The following VPS13B variants were observed in gnomAD, a reference collection of about 807,000 sequenced individuals.
The protein encoded by VPS13B is intermembrane lipid transfer protein VPS13B.
Under a neutral mutation model 426.4 loss-of-function variants are expected in VPS13B, and 285 were observed. The ratio of observed to expected loss-of-function variants is 0.67; its 90% CI spans 0.61 to 0.74. VPS13B has a LOEUF of 0.74. Among genes scored for constraint, VPS13B ranks in the 30% least tolerant of loss-of-function variants. VPS13B has a pLI of 0.00. For missense variants in VPS13B, 4,537 were observed against 4,782.6 expected (o/e 0.95, Z 1.51); for synonymous variants, 1,676 against 1,676.4 (o/e 1.00, Z 0.01).
intron 33 of VPS13B, among the ~76,000 whole-genome samples, chr8:99,586,976 C>T (rs1826335566): frequency 6.6e-6 from 1 of 152,120 alleles, no homozygotes; most frequent in Non-Finnish European, 1.5e-5. Context: ...ATCCCTCCCC[C>T]ATCCCCCCAT....
At chr8:99,732,774 C>T (rs1201198965) in intron 39 of VPS13B, among the ~76,000 whole-genome samples, 3 of 152,098 alleles carry the variant, frequency 2.0e-5, no homozygotes, top group African/African-American at 4.8e-5. Flanking sequence ...ATGGGATTTT[C>T]GAAACAAAAA....
At chr8:99,620,845 T>C (rs1828315355) in intron 33 of VPS13B, among the ~76,000 whole-genome samples, 1 of 151,370 alleles carries the variant, frequency 6.6e-6, no homozygotes, top group Non-Finnish European at 1.5e-5. Context: ...AAATTAGCCA[T>C]GTGTGGTGGT....
chr8:99,560,583 C>T (rs981529279), intron 31 of VPS13B, among the ~76,000 whole-genome samples: 2 of 152,096 alleles, frequency 1.3e-5, no homozygotes, highest in Non-Finnish European at 1.5e-5. Flanking sequence ...TGAATGTGCC[C>T]CTGAGAAGGG....
rs942956028 is a variant in VPS13B, at chr8:99,248,356, T to A, written c.2516-25842T>A. Among the ~76,000 whole-genome samples the A allele has an allele frequency of 2.6e-5, 4 of 152,172 alleles. No homozygotes were observed. In the East Asian group the frequency reaches 7.7e-4, roughly 29 times the overall value. Reference sequence around the variant, plus strand: ...ATGTATACATATATAGAAATATATATATCTGCATTTAAAAATATTTTTGAA... The same window carrying A: ...ATGTATACATATATAGAAATATATAAATCTGCATTTAAAAATATTTTTGAA... On this transcript the variant is annotated intron_variant, in intron 17 of 61. Transcript: ENST00000357162.
rs1178174049 is a variant in VPS13B at position 99,275,220 on chromosome 8, A to G, written c.2790A>G (p.Gln930=). 2.5e-6 allele frequency: 4 copies of G among 1,612,652 alleles called. No homozygotes were observed. The highest frequency in any genetic ancestry group is 3.4e-6 in the Non-Finnish European group (4 of 1,179,444). ...LAPDLMAFTI[Q]VPQYIDYCHN... is the part of the protein sequence containing the mutation. ...CAGATTTGATGGCCTTCACAATCCAAGTTCCACAATATATTGACTACTGCC... is the reference window on the plus strand; with the variant it reads ...CAGATTTGATGGCCTTCACAATCCAGGTTCCACAATATATTGACTACTGCC... Residue 930 remains glutamine, a synonymous_variant, in exon 19 of 62, where the codon CAA becomes CAG. Transcript: ENST00000357162.
At chr8:99,407,953 G>T (rs1228280309) in intron 21 of VPS13B, among the ~76,000 whole-genome samples, 2 of 152,144 alleles carry the variant, frequency 1.3e-5, no homozygotes, top group Non-Finnish European at 2.9e-5. Flanking sequence ...AGGTGATGAG[G>T]ATGAGATTCC....
In VPS13B at chr8:99,147,841, A is replaced by G. The variant is rs1810824306; in HGVS notation, c.1844A>G (p.Asp615Gly). ...EYEPYSRLKSDIKDENETILN... is the reference protein window; with the variant it reads ...EYEPYSRLKSGIKDENETILN... ...TAATTTTTTATCATTTTAATTTTAG[A>G]TATTAAGGATGAAAATGAAACAATA... is the stretch of plus-strand genomic sequence containing the variant. Residue 615 changes from aspartate (D) to glycine (G), a missense_variant and splice_region_variant, in exon 14 of 62, where the codon GAT becomes GGT. This residue lies in a region of VPS13B where 4,311 missense variants were observed against 4,474.3 expected (regional missense o/e 0.96). Coordinates refer to ENST00000357162, the MANE Select transcript of VPS13B (RefSeq NM_152564.5). 6.8e-7 allele frequency: 1 copy of G among 1,476,474 alleles called. No homozygotes were observed. The highest frequency in any genetic ancestry group is 9.0e-7 in the Non-Finnish European group (1 of 1,107,290). 91.5% of individuals were successfully genotyped at this position (1,476,474 alleles called of 1,614,324 possible).
chr8:99,538,916 A>G (rs1430293556), intron 30 of VPS13B, among the ~76,000 whole-genome samples: 1 of 152,220 alleles, frequency 6.6e-6, no homozygotes, highest in African/African-American at 2.4e-5. Context: ...ATTTCTTGTA[A>G]ACATTTTCTC....
chr8:99,358,129 C>T (rs543383202), intron 19 of VPS13B, among the ~76,000 whole-genome samples: 1 of 152,246 alleles, frequency 6.6e-6, no homozygotes, highest in East Asian at 1.9e-4. Flanking sequence ...TCCTCTGCGT[C>T]CATCCCTCAT....
intron 39 of VPS13B, among the ~76,000 whole-genome samples, chr8:99,750,100 G>T (rs1387237160): frequency 6.6e-6 from 1 of 152,090 alleles, no homozygotes; most frequent in Non-Finnish European, 1.5e-5. Flanking sequence ...GTGGATTTAT[G>T]TGTGTTTGAA....
chr8:99,273,512 T>C (rs1818716291), intron 17 of VPS13B, among the ~76,000 whole-genome samples: 1 of 152,036 alleles, frequency 6.6e-6, no homozygotes, highest in Non-Finnish European at 1.5e-5. Flanking sequence ...AGGCCGGGCC[T>C]GGTGGTGCAC....
At chr8:99,482,308 A>G (rs1259057312) in intron 25 of VPS13B, among the ~76,000 whole-genome samples, 1 of 152,006 alleles carries the variant, frequency 6.6e-6, no homozygotes, top group Admixed American at 6.6e-5. Context: ...TCTTTTGTAT[A>G]AGAAATATTT....
At position 99,125,737 on chromosome 8, in the gene VPS13B, C is replaced by T. The variant is rs572595598; in HGVS notation, c.1206+4292C>T. On this transcript the variant is annotated intron_variant, in intron 8 of 61. Coordinates refer to ENST00000357162, the MANE Select transcript of VPS13B (RefSeq NM_152564.5). Reference sequence around the variant, plus strand: ...ATTATGTAATATTTTGTACTAAATGCCACTGAATTGTATATTGACAAGTGG... The same window carrying T: ...ATTATGTAATATTTTGTACTAAATGTCACTGAATTGTATATTGACAAGTGG... 6.6e-5 allele frequency among the ~76,000 whole-genome samples: 10 copies of T among 152,082 alleles called. 1 individual carries two copies. Among genetic ancestry groups the T allele is most frequent in the African/African-American group, 2.4e-4 (10 of 41,496 alleles).
At chr8:99,594,216 G>C (rs1180165376) in intron 33 of VPS13B, among the ~76,000 whole-genome samples, 2 of 151,958 alleles carry the variant, frequency 1.3e-5, no homozygotes, top group African/African-American at 4.8e-5. Flanking sequence ...AAACATAGTG[G>C]TCAAGAACTT....
At chr8:99,725,439 G>T (rs1337101135) in intron 39 of VPS13B, among the ~76,000 whole-genome samples, 2 of 152,188 alleles carry the variant, frequency 1.3e-5, no homozygotes, top group Non-Finnish European at 2.9e-5. Context: ...GCATGTGAGG[G>T]ATCTAGGTTG....
rs74789951 is a variant in VPS13B at position 99,230,226 on chromosome 8, A to G, written c.2515+37169A>G. ...AAAAAAGTAAATAAAATGCTTGTGTAGGAATTTTATTTAGGCATTTTAAAC... is the reference window on the plus strand; with the variant it reads ...AAAAAAGTAAATAAAATGCTTGTGTGGGAATTTTATTTAGGCATTTTAAAC... On this transcript the variant is annotated intron_variant, in intron 17 of 61. Coordinates refer to ENST00000357162, the MANE Select transcript of VPS13B (RefSeq NM_152564.5). 4.8e-3 allele frequency among the ~76,000 whole-genome samples: 737 copies of G among 152,306 alleles called. 8 individuals are homozygous for G. The highest frequency in any genetic ancestry group is 0.017 in the African/African-American group (705 of 41,568).
At chr8:99,554,629 A>T (rs1379694377) in intron 30 of VPS13B, among the ~76,000 whole-genome samples, 2 of 152,150 alleles carry the variant, frequency 1.3e-5, no homozygotes, top group African/African-American at 4.8e-5. Flanking sequence ...TATATTTACA[A>T]GCATAGAGAG....
At chr8:99,613,025 C>A (rs1022844601) in intron 33 of VPS13B, among the ~76,000 whole-genome samples, 13 of 152,138 alleles carry the variant, frequency 8.5e-5, no homozygotes, top group Admixed American at 5.2e-4. Flanking sequence ...CTATGTGAAA[C>A]CACCCTTGTA....
At chr8:99,195,954 G>A (rs1456800881) in intron 17 of VPS13B, among the ~76,000 whole-genome samples, 1 of 152,080 alleles carries the variant, frequency 6.6e-6, no homozygotes, top group Non-Finnish European at 1.5e-5. Flanking sequence ...TGTTTTGATT[G>A]CTATAGCCTG....
Sources: gnomAD v4.1 joint callset for allele counts (sites outside exome capture counted in the v4.1 genomes callset) on GRCh38, gnomAD v4.1.1 for gene constraint, gnomAD v4.1.1 regional missense constraint, MANE v1.5 for transcripts, NCBI Gene and HGNC (gene_info 2026-07-23, HGNC 2026-07-21) for gene names.